Variants in MTBP observed in about 807,000 individuals in gnomAD.
MTBP encodes mdm2-binding protein.
MTBP carries 101 observed loss-of-function variants against 117.0 expected under a neutral mutation model. The ratio of observed to expected loss-of-function variants is 0.86; its 90% CI spans 0.73 to 1.02. The LOEUF (loss-of-function observed/expected upper bound fraction) is 1.02, where lower values mean the gene tolerates loss of function less well. Among genes scored for constraint, MTBP ranks in the 50% least tolerant of loss-of-function variants. The pLI, the probability that MTBP is intolerant of heterozygous loss-of-function variation, is 0.00. For synonymous variants in MTBP, 350 were observed against 351.5 expected, an observed-to-expected ratio of 1.00 and a Z score of 0.05; for missense variants, 970 against 1,030.9, an observed-to-expected ratio of 0.94 and a Z score of 0.81.
chr8:120,497,147 C>A (rs1190373944), intron 13 of MTBP, among the ~76,000 whole-genome samples: 5 of 152,160 alleles, frequency 3.3e-5, no homozygotes. Context: ...CTTTAGTAAA[C>A]CTGCCTTTAT....
intron 7 of MTBP, among the ~76,000 whole-genome samples, chr8:120,457,892 G>T (rs1421344834): frequency 6.6e-6 from 1 of 150,556 alleles, no homozygotes; most frequent in Non-Finnish European, 1.5e-5. Context: ...GTTTCAGTGA[G>T]CTGAGATCGC....
At position 120,523,472 on chromosome 8, in the gene MTBP, T is replaced by TGAATATA; in HGVS notation, c.*137_*143dup. On this transcript the variant is annotated 3_prime_UTR_variant, in exon 22 of 22. Transcript: ENST00000305949. Reference sequence around the variant, plus strand: ...GATGTTATATTTCTAAAGAATTTCATGAATATATATTCTATATTTGTATAG... The same window carrying TGAATATA: ...GATGTTATATTTCTAAAGAATTTCATGAATATAGAATATATATTCTATATTTGTATAG... 1 of 467,244 alleles carries TGAATATA rather than the reference T, an allele frequency of 2.1e-6. No individual in the cohort carries two copies. Among genetic ancestry groups the TGAATATA allele is most frequent in the Non-Finnish European group, 3.8e-6 (1 of 264,760 alleles). 28.9% of individuals were successfully genotyped at this position (467,244 alleles called of 1,614,324 possible). A position where few individuals can be genotyped will look rare whatever the true frequency, so the allele number is the denominator to read the frequency against.
intron 11 of MTBP, among the ~76,000 whole-genome samples, chr8:120,480,703 A>G (rs887620700): frequency 2.0e-5 from 3 of 152,218 alleles, no homozygotes; most frequent in African/African-American, 7.2e-5. Context: ...ATATTTATAT[A>G]TGTATTTAGA....
intron 15 of MTBP, among the ~76,000 whole-genome samples, chr8:120,502,855 A>G (rs1454147411): frequency 6.6e-6 from 1 of 152,236 alleles, no homozygotes; most frequent in East Asian, 1.9e-4. Context: ...ATTTTGGTAT[A>G]TAGCCTTTCA....
At chr8:120,479,401 C>CAA (rs1243327795) in intron 11 of MTBP, among the ~76,000 whole-genome samples, 1 of 152,158 alleles carries the variant, frequency 6.6e-6, no homozygotes, top group Non-Finnish European at 1.5e-5. Flanking sequence ...CTGACAGAGA[C>CAA]AAAGTATTCT....
chr8:120,518,229 A>G (rs1814954827), intron 19 of MTBP, 129 bp downstream of exon 19: 1 of 1,035,768 alleles, frequency 9.7e-7, no homozygotes, highest in Non-Finnish European at 1.4e-6. Context: ...CTGGTGTAAG[A>G]AGGATGATAG....
At chr8:120,503,708 T>G (rs1814631040) in intron 15 of MTBP, among the ~76,000 whole-genome samples, 1 of 152,100 alleles carries the variant, frequency 6.6e-6, no homozygotes, top group South Asian at 2.1e-4. Context: ...AGGGAGAGAT[T>G]AGAGCAGAGA....
In MTBP at chr8:120,463,532, A is replaced by G. The variant is rs371444305; in HGVS notation, c.978-160A>G. Among the ~76,000 whole-genome samples, 28 of 152,324 alleles carry G rather than the reference A, an allele frequency of 1.8e-4. No individual in the cohort carries two copies. In the Middle Eastern group the frequency reaches 0.014, roughly 74 times the overall value. ...GAATCAAACAAATAATTGGAAAAAT[A>G]CTTATCCTTAGGGAAAGGCGTAATT... On this transcript the variant is annotated intron_variant, in intron 9 of 21. Coordinates refer to ENST00000305949, the MANE Select transcript of MTBP (RefSeq NM_022045.5).
chr8:120,500,192 T>A (rs1318660542), intron 14 of MTBP, among the ~76,000 whole-genome samples: 3 of 152,128 alleles, frequency 2.0e-5, no homozygotes, highest in Admixed American at 6.5e-5. Flanking sequence ...ATTTTTTTTT[T>A]AAAGCAGTGT....
rs772033814 is a variant in MTBP at position 120,517,841 on chromosome 8, T to C, written c.2247-10T>C. ...ATCTACGTTCTTGATTTTTTTCCCC[T>C]GCTATATAGACTTGTGAAATCTGAA... On this transcript the variant is annotated splice_polypyrimidine_tract_variant and intron_variant, in intron 18 of 21. Coordinates refer to ENST00000305949, the MANE Select transcript of MTBP (RefSeq NM_022045.5). 3 of 1,604,582 alleles carry C rather than the reference T, an allele frequency of 1.9e-6. No individual in the cohort carries two copies. In the Admixed American group the frequency reaches 5.1e-5, roughly 27 times the overall value.
intron 2 of MTBP, 132 bp downstream of exon 2, chr8:120,446,645 TAAGG>T (rs2130498971): frequency 3.4e-6 from 2 of 584,254 alleles, no homozygotes; most frequent in Admixed American, 2.7e-5. Flanking sequence ...CAGAGATAAC[TAAGG>T]GAGTACAAAA....
intron 17 of MTBP, among the ~76,000 whole-genome samples, chr8:120,512,062 AT>A (rs1814822531): frequency 6.6e-6 from 1 of 152,168 alleles, no homozygotes; most frequent in African/African-American, 2.4e-5. Flanking sequence ...TTTGATAAGA[AT>A]TTTAGGACCT....
intron 5 of MTBP, among the ~76,000 whole-genome samples, chr8:120,454,362 AT>A (rs1448754666): frequency 6.6e-6 from 1 of 152,016 alleles, no homozygotes; most frequent in African/African-American, 2.4e-5. Flanking sequence ...TTTCCTCAGC[AT>A]TTTTTTATAG....
chr8:120,516,209 C>A lies in MTBP; in HGVS notation c.2246+18C>A. On this transcript the variant is annotated intron_variant, in intron 18 of 21. Transcript: ENST00000305949. ...AGAAAAAGGTGATATATTACATGCA[C>A]ATAAATAGTATATTGACAGAAAGTA... 1 of 1,576,532 alleles carries A rather than the reference C, an allele frequency of 6.3e-7. No homozygotes were observed. Among genetic ancestry groups the A allele is most frequent in the Non-Finnish European group, 8.7e-7 (1 of 1,152,316 alleles).
rs1171680647 is a variant in MTBP, at chr8:120,459,363, A to AT, written c.882+21dup. On this transcript the variant is annotated intron_variant, in intron 8 of 21. Transcript: ENST00000305949. ...ATTTTGCCAAAGGTAATCGTGTTTA[A>AT]TTTTTTTGTGTGATCATTCATGTGT... 6.3e-7 allele frequency: 1 copy of AT among 1,586,712 alleles called. No individual in the cohort carries two copies.
intron 19 of MTBP, among the ~76,000 whole-genome samples, 190 bp from the exon 20 acceptor site, chr8:120,518,514 T>C (rs928634943): frequency 1.5e-4 from 23 of 151,638 alleles, no homozygotes; most frequent in African/African-American, 5.3e-4. Context: ...GCTAACATAT[T>C]ATTCCTGTGA....
intron 11 of MTBP, among the ~76,000 whole-genome samples, chr8:120,479,130 A>T (rs1411771517): frequency 6.6e-6 from 1 of 152,238 alleles, no homozygotes; most frequent in African/African-American, 2.4e-5. Context: ...AGATGGGAAC[A>T]GTAGGCACTG....
Position 120,518,042 on chromosome 8 carries a change from T to C in MTBP, c.2438T>C (p.Met813Thr). 3 of 1,612,796 alleles carry C rather than the reference T, an allele frequency of 1.9e-6. No individual in the cohort carries two copies. The highest frequency in any genetic ancestry group is 2.5e-6 in the Non-Finnish European group (3 of 1,179,128). The change falls in exon 19 of 22, where the codon ATG becomes ACG. Residue 813 changes from methionine (M) to threonine (T), a missense_variant. By Grantham distance (81) the Met-to-Thr change is moderately conservative. Coordinates refer to ENST00000305949, the MANE Select transcript of MTBP (RefSeq NM_022045.5). ...ATKTSSGQKS[M>T]HESKTSRQIK... ...AAGACCAGTTCAGGTCAAAAAAGTA[T>C]GCATGAATCAAAAACATCAAGGCAA...
intron 15 of MTBP, among the ~76,000 whole-genome samples, chr8:120,503,799 G>A (rs1388232550): frequency 6.6e-6 from 1 of 152,112 alleles, no homozygotes; most frequent in Non-Finnish European, 1.5e-5. Context: ...ATAAATTTGG[G>A]AGATAACGTT....
Sources: gnomAD v4.1 joint callset for allele counts (sites outside exome capture counted in the v4.1 genomes callset) on GRCh38, gnomAD v4.1.1 for gene constraint, MANE v1.5 for transcripts, NCBI Gene and HGNC (gene_info 2026-07-23, HGNC 2026-07-21) for gene names.